The following PREX2 variants were observed in gnomAD, a reference collection of about 807,000 sequenced individuals.
The protein encoded by PREX2 is phosphatidylinositol 3,4,5-trisphosphate-dependent Rac exchanger 2 protein.
PREX2 carries 107 observed loss-of-function variants against 203.2 expected under a neutral mutation model. The observed-to-expected ratio is 0.53, with a 90% CI of 0.45 to 0.62. The LOEUF is 0.62. Ranked by LOEUF, PREX2 falls within the 20% of genes least tolerant of loss-of-function variation. The pLI, the probability that PREX2 is intolerant of heterozygous loss-of-function variation, is 0.00. For missense variants in PREX2, 1,777 were observed against 1,955.9 expected, an observed-to-expected ratio of 0.91 and a Z score of 1.72; for synonymous variants, 672 against 663.6, an observed-to-expected ratio of 1.01 and a Z score of -0.19.
chr8:68,062,670 G>T (rs1472609590), intron 11 of PREX2, among the ~76,000 whole-genome samples: 1 of 152,038 alleles, frequency 6.6e-6, no homozygotes, highest in East Asian at 1.9e-4. Context: ...AAAAATCTTT[G>T]TATTCATTAC....
chr8:68,041,418 A>T (rs1808195032), intron 7 of PREX2, among the ~76,000 whole-genome samples: 1 of 152,192 alleles, frequency 6.6e-6, no homozygotes, highest in Non-Finnish European at 1.5e-5. Context: ...GGATTGTAGT[A>T]TTAGAATTCC....
chr8:68,020,333 CA>C (rs67292795), intron 3 of PREX2, among the ~76,000 whole-genome samples: 33,763 of 105,938 alleles, frequency 0.32, 4,844 homozygotes, highest in African/African-American at 0.49. Context: ...GCATTCACAC[CA>C]AAAAAAAAAA....
intron 32 of PREX2, among the ~76,000 whole-genome samples, chr8:68,137,583 A>C (rs1474809745): frequency 6.6e-6 from 1 of 152,128 alleles, no homozygotes; most frequent in Non-Finnish European, 1.5e-5. Context: ...TGACATTCTT[A>C]AGGAAACAAA....
chr8:68,087,846 C>CA, intron 19 of PREX2, 37 bp downstream of exon 19: 1 of 1,421,620 alleles, frequency 7.0e-7, no homozygotes, highest in Non-Finnish European at 1.0e-6. Context: ...AGCTTTCCAG[C>CA]AGGTTTGGGA....
At chr8:67,990,105 C>A (rs111807755) in intron 1 of PREX2, among the ~76,000 whole-genome samples, 395 of 152,204 alleles carry the variant, frequency 2.6e-3, no homozygotes, top group African/African-American at 8.6e-3. Flanking sequence ...TGTGCCTCAG[C>A]CTCCCAGGTA....
chr8:68,154,133 TG>T (rs890551096), intron 34 of PREX2, among the ~76,000 whole-genome samples: 2 of 152,234 alleles, frequency 1.3e-5, no homozygotes, highest in African/African-American at 4.8e-5. Flanking sequence ...CCTGTCTTTC[TG>T]GTTTTAAGTC....
chr8:68,065,412 T>C, intron 11 of PREX2, among the ~76,000 whole-genome samples: 1 of 152,216 alleles, frequency 6.6e-6, no homozygotes, highest in East Asian at 1.9e-4. Flanking sequence ...TCATACAGGC[T>C]TTTTTACGTA....
chr8:68,060,608 C>T, intron 10 of PREX2, 71 bp from the exon 11 acceptor site: 1 of 921,784 alleles, frequency 1.1e-6, no homozygotes, highest in South Asian at 1.5e-5. Context: ...TGCTTCATGA[C>T]TGGATGGTAT....
At chr8:68,206,944 A>G (rs1207566557) in intron 37 of PREX2, among the ~76,000 whole-genome samples, 1 of 152,188 alleles carries the variant, frequency 6.6e-6, no homozygotes, top group African/African-American at 2.4e-5. Context: ...ATTGGGTTTT[A>G]AGTGACCCAA....
intron 14 of PREX2, among the ~76,000 whole-genome samples, chr8:68,074,857 C>G (rs886085522): frequency 1.3e-5 from 2 of 152,106 alleles, no homozygotes; most frequent in African/African-American, 2.4e-5. Context: ...TAGTTTTTCT[C>G]TTATTCTGCA....
At chr8:68,187,806 G>A (rs1812219995) in intron 35 of PREX2, among the ~76,000 whole-genome samples, 1 of 152,158 alleles carries the variant, frequency 6.6e-6, no homozygotes, top group African/African-American at 2.4e-5. Flanking sequence ...CTCAAAAACA[G>A]TTTGTTATCT....
chr8:68,193,154 G>C (rs1812330054), intron 37 of PREX2, among the ~76,000 whole-genome samples: 1 of 152,184 alleles, frequency 6.6e-6, no homozygotes, highest in Admixed American at 6.5e-5. Context: ...GTGCGAGTGG[G>C]AATCCCTGAG....
chr8:68,043,859 A>G (rs79505801), intron 7 of PREX2, among the ~76,000 whole-genome samples: 2,588 of 152,184 alleles, frequency 0.017, 57 homozygotes, highest in African/African-American at 0.055. Flanking sequence ...TAAGATTAAA[A>G]GCTGGCACTA....
rs185863103 is a variant in PREX2 at position 68,152,028 on chromosome 8, G to A, written c.4232-5294G>A. On this transcript the variant is annotated intron_variant, in intron 34 of 39. Coordinates refer to ENST00000288368, the MANE Select transcript of PREX2 (RefSeq NM_024870.4). Reference sequence around the variant, plus strand: ...ATCTTGGCCAGGCGTGGTGGCTCACGCCTGTAATCCCAGCACTTTGGGAGG... The same window carrying A: ...ATCTTGGCCAGGCGTGGTGGCTCACACCTGTAATCCCAGCACTTTGGGAGG... Among the ~76,000 whole-genome samples the A allele has an allele frequency of 5.4e-3, 814 of 151,512 alleles. 7 individuals are homozygous for A. The highest frequency in any genetic ancestry group is 0.017 in the African/African-American group (723 of 41,352).
Position 68,069,047 on chromosome 8 carries a change from CAA to C in PREX2, c.1355_1356del (p.Gln452LeufsTer9). The C allele has an allele frequency of 6.8e-7, 1 of 1,467,948 alleles. No homozygotes were observed. The highest frequency in any genetic ancestry group is 9.2e-7 in the Non-Finnish European group (1 of 1,086,532). The allele number at this position is 1,467,948 out of a possible 1,614,324, so 90.9% of individuals were successfully genotyped here. A position where few individuals can be genotyped will look rare whatever the true frequency, so the allele number is the denominator to read the frequency against. On this transcript the variant is annotated frameshift_variant, in exon 12 of 40. Transcript: ENST00000288368. LOFTEE classifies it high-confidence loss of function. The stretch of plus-strand genomic sequence containing the variant: ...TATGTTCTTAGTTACTGATAAACAT[CAA>C]TTCAAACCAGAACAGATGTTATATA... ...GIIHHVTDKH[Q>X]FKPEQMLYRF...
intron 37 of PREX2, among the ~76,000 whole-genome samples, chr8:68,209,070 T>TAAAAAAAAAAAAAAAAAAAAA (rs994362514): frequency 8.7e-6 from 1 of 115,096 alleles, no homozygotes; most frequent in African/African-American, 3.3e-5. Context: ...TGGACTCATT[T>TAAAAAAAAAAAAAAAAAAAAA]AAAAAAAAAA....
chr8:68,199,916 A>G (rs1160829523), intron 37 of PREX2, among the ~76,000 whole-genome samples: 3 of 152,210 alleles, frequency 2.0e-5, no homozygotes, highest in Admixed American at 6.5e-5. Context: ...ATGAAGCTGC[A>G]TCTTTTCTCT....
At chr8:68,087,667 A>C in intron 18 of PREX2, 57 bp from the exon 19 acceptor site, 1 of 1,236,660 alleles carries the variant, frequency 8.1e-7, no homozygotes, top group South Asian at 1.2e-5. Context: ...CACGACGATT[A>C]TTTCAACCAG....
At chr8:68,105,319 T>G (rs774316283) in intron 23 of PREX2, 1 of 1,367,652 alleles carries the variant, frequency 7.3e-7, no homozygotes, top group Non-Finnish European at 9.8e-7. Context: ...CCTGAGGACC[T>G]TCCTTCTCAA....
Sources: gnomAD v4.1 joint callset for allele counts (sites outside exome capture counted in the v4.1 genomes callset) on GRCh38, gnomAD v4.1.1 for gene constraint, MANE v1.5 for transcripts, NCBI Gene and HGNC (gene_info 2026-07-23, HGNC 2026-07-21) for gene names.